NHSL1: variants seen among roughly 807,000 people sequenced by gnomAD.
NHSL1 encodes NHS-like protein 1.
NHSL1 carries 48 observed loss-of-function variants against 95.0 expected under a neutral mutation model. That is an observed-to-expected ratio of 0.51 (90% confidence interval 0.40 to 0.64). NHSL1 has a LOEUF of 0.64. Among genes scored for constraint, NHSL1 ranks in the 30% least tolerant of loss-of-function variants. The pLI is 0.00. For missense variants in NHSL1, 1,971 were observed against 2,077.7 expected, an observed-to-expected ratio of 0.95 and a Z score of 1.00; for synonymous variants, 783 against 833.9, an observed-to-expected ratio of 0.94 and a Z score of 1.05.
At chr6:138,681,490 G>A (rs745392839) in intron 1 of NHSL1, among the ~76,000 whole-genome samples, 1 of 152,222 alleles carries the variant, frequency 6.6e-6, no homozygotes, top group African/African-American at 2.4e-5. Flanking sequence ...AAGGAGCACA[G>A]GCTATGGAGT....
chr6:138,513,256 T>C (rs191919009), intron 1 of NHSL1, among the ~76,000 whole-genome samples: 5 of 152,336 alleles, frequency 3.3e-5, no homozygotes, highest in Admixed American at 6.5e-5. Flanking sequence ...TCTTGTCACA[T>C]AGTGCCATAA....
chr6:138,681,773 C>T (rs4076533), intron 1 of NHSL1, among the ~76,000 whole-genome samples: 92,997 of 152,030 alleles, frequency 0.61, 30,201 homozygotes, highest in East Asian at 0.92. Context: ...ATGTGTAATG[C>T]TGTCATGCAG....
chr6:138,597,243 A>G (rs903178943), intron 1 of NHSL1, among the ~76,000 whole-genome samples: 1 of 152,218 alleles, frequency 6.6e-6, no homozygotes, highest in African/African-American at 2.4e-5. Flanking sequence ...TGAAGCATCA[A>G]TCCATAAAAA....
intron 1 of NHSL1, among the ~76,000 whole-genome samples, chr6:138,594,664 A>T: frequency 6.6e-6 from 1 of 152,110 alleles, no homozygotes; most frequent in East Asian, 1.9e-4. Context: ...AGGAAGAGCT[A>T]GACAACAGAC....
chr6:138,497,866 C>T (rs1439065290), intron 1 of NHSL1, among the ~76,000 whole-genome samples: 1 of 152,140 alleles, frequency 6.6e-6, no homozygotes, highest in African/African-American at 2.4e-5. Flanking sequence ...CCACCTTCTC[C>T]GTAAGTTGCT....
At position 138,692,512 on chromosome 6, in the gene NHSL1, C is replaced by A. The variant is rs1785694767; in HGVS notation, c.61G>T (p.Ala21Ser). Residue 21 changes from alanine (A) to serine (S), a missense_variant, in exon 1 of 4, where the codon GCC becomes TCC. Ala to Ser is a moderately conservative substitution (Grantham distance 99). Transcript: ENST00000491526. The surrounding 1 kb of genome is among the most constrained non-coding windows in gnomAD (Gnocchi z 4.0). ...CGGCGGTGGTCCAGGCGCGCAGCGGCGGCTTGCAGGGCGTCGAGGCGGCGG... is the reference window on the plus strand; with the variant it reads ...CGGCGGTGGTCCAGGCGCGCAGCGGAGGCTTGCAGGGCGTCGAGGCGGCGG... The A allele has an allele frequency of 5.1e-6, 1 of 196,394 alleles. No individual in the cohort carries two copies. The highest frequency in any genetic ancestry group is 8.1e-5 in the South Asian group (1 of 12,398). 12.2% of individuals were successfully genotyped at this position (196,394 alleles called of 1,614,324 possible).
At chr6:138,592,436 T>TAAAAATACAAAAATAC (rs1451057696) in intron 1 of NHSL1, among the ~76,000 whole-genome samples, 10 of 152,072 alleles carry the variant, frequency 6.6e-5, no homozygotes, top group African/African-American at 2.2e-4. Flanking sequence ...CCGTCTCTAC[T>TAAAAATACAAAAATAC]AAAAATACAA....
At chr6:138,460,220 G>A (rs1237145471) in intron 3 of NHSL1, among the ~76,000 whole-genome samples, 2 of 151,994 alleles carry the variant, frequency 1.3e-5, no homozygotes, top group South Asian at 4.2e-4. Flanking sequence ...GTAAACGTTT[G>A]ATAAGATTTC....
In NHSL1 at chr6:138,433,472, C is replaced by T; in HGVS notation, c.873G>A (p.Met291Ile). ...TGCCAGAGGAACCTGAGAAGTGGCC[C>T]ATCTGGGCAGCAATGCCTTGCCCCT... ...AQKGQGIAAQ[M>I]GHFSGSSGNM... Residue 291 changes from methionine to isoleucine, a missense_variant, in exon 6 of 8, where the codon ATG becomes ATA. Coordinates refer to ENST00000343505, the MANE Select transcript of NHSL1 (RefSeq NM_001144060.2). 6.4e-7 allele frequency: 1 copy of T among 1,552,226 alleles called. No individual in the cohort carries two copies. Among genetic ancestry groups the T allele is most frequent in the Non-Finnish European group, 8.7e-7 (1 of 1,147,112 alleles).
intron 1 of NHSL1, among the ~76,000 whole-genome samples, chr6:138,659,686 A>C (rs1785200994): frequency 6.6e-6 from 1 of 151,338 alleles, no homozygotes; most frequent in Admixed American, 6.6e-5. Context: ...TAATGAGCTA[A>C]TTAAGAGTTA....
intron 1 of NHSL1, among the ~76,000 whole-genome samples, chr6:138,625,284 A>G (rs376015628): frequency 3.3e-5 from 5 of 152,222 alleles, no homozygotes; most frequent in East Asian, 1.9e-4. Context: ...CTGGGACTAC[A>G]GGTGTGCGCC....
Position 138,431,914 on chromosome 6 carries a change from C to T in NHSL1, c.2431G>A (p.Gly811Arg), listed in dbSNP as rs371542355. 7.7e-6 allele frequency: 12 copies of T among 1,551,754 alleles called. No individual in the cohort carries two copies. Among genetic ancestry groups the T allele is most frequent in the Middle Eastern group, 1.7e-4 (1 of 5,992 alleles). The change falls in exon 6 of 8, where the codon GGG becomes AGG. Residue 811 changes from glycine to arginine, a missense_variant. Coordinates refer to ENST00000343505, the MANE Select transcript of NHSL1 (RefSeq NM_001144060.2). The surrounding 1 kb of genome is among the most constrained non-coding windows in gnomAD (Gnocchi z 4.0). ...STSSGVPTGN[G>R]PVRHVQEGSR... ...CCTTCTTGGACATGGCGGACTGGCC[C>T]GTTCCCAGTGGGCACCCCACTGCTG... is the stretch of plus-strand genomic sequence containing the variant.
intron 3 of NHSL1, among the ~76,000 whole-genome samples, chr6:138,448,452 A>G (rs191297490): frequency 6.6e-5 from 10 of 152,358 alleles, no homozygotes; most frequent in Non-Finnish European, 1.5e-4. Context: ...ATAAAAAGTC[A>G]GTGAACCTTC....
chr6:138,476,515 G>A (rs1455891223), intron 2 of NHSL1, among the ~76,000 whole-genome samples: 1 of 152,082 alleles, frequency 6.6e-6, no homozygotes, highest in African/African-American at 2.4e-5. Context: ...AGGATGGAAG[G>A]AGGGTGAGGG....
At chr6:138,672,640 A>G (rs1472611276) in intron 1 of NHSL1, among the ~76,000 whole-genome samples, 1 of 152,212 alleles carries the variant, frequency 6.6e-6, no homozygotes, top group East Asian at 1.9e-4. Context: ...CTTCTTTTTG[A>G]AACAGACGTT....
intron 1 of NHSL1, among the ~76,000 whole-genome samples, chr6:138,529,412 A>G (rs1782043826): frequency 6.6e-6 from 1 of 152,240 alleles, no homozygotes; most frequent in South Asian, 2.1e-4. Flanking sequence ...CTAAAGGCTC[A>G]TTCTCAATGT....
intron 1 of NHSL1, among the ~76,000 whole-genome samples, chr6:138,524,135 T>C (rs1781805037): frequency 6.6e-6 from 1 of 152,140 alleles, no homozygotes. Flanking sequence ...TTCCCTCCTA[T>C]TTACCTCTGA....
chr6:138,599,962 T>C (rs1784351109), intron 1 of NHSL1, among the ~76,000 whole-genome samples: 1 of 151,946 alleles, frequency 6.6e-6, no homozygotes, highest in African/African-American at 2.4e-5. Flanking sequence ...GCCAACATGG[T>C]GAAACCCCAT....
At chr6:138,484,633 A>T (rs1779615782) in intron 2 of NHSL1, among the ~76,000 whole-genome samples, 1 of 152,216 alleles carries the variant, frequency 6.6e-6, no homozygotes, top group Admixed American at 6.5e-5. Context: ...CACTGACATT[A>T]AACACCATAG....
Sources: allele counts gnomAD v4.1 joint callset (sites outside exome capture counted in the v4.1 genomes callset), GRCh38; gene constraint gnomAD v4.1.1; non-coding constraint Gnocchi (gnomAD v3.1); transcripts MANE v1.5; gene names NCBI Gene and HGNC (gene_info 2026-07-23, HGNC 2026-07-21).